SGCG: variants seen among roughly 807,000 people sequenced by gnomAD.
SGCG encodes the protein gamma-sarcoglycan.
SGCG carries 26 observed loss-of-function variants against 29.3 expected under a neutral mutation model. The observed-to-expected ratio is 0.89, with a 90% CI of 0.65 to 1.23. SGCG has a LOEUF of 1.23. Among genes scored for constraint, SGCG ranks in the 50% most tolerant of loss-of-function variants. The probability of loss-of-function intolerance (pLI) is 0.00; values close to 1 mark genes in which losing one functional copy is unlikely to be tolerated. For synonymous variants in SGCG, 145 were observed against 129.7 expected (o/e 1.12, Z -0.80); for missense variants, 353 against 356.0 (o/e 0.99, Z 0.07).
At position 23,294,720 on chromosome 13, in the gene SGCG, C is replaced by T. The variant is rs141508429; in HGVS notation, c.506-695C>T. Among the ~76,000 whole-genome samples, 621 of 152,318 alleles carry T rather than the reference C, an allele frequency of 4.1e-3. 1 individual carries two copies. Among genetic ancestry groups the T allele is most frequent in the Non-Finnish European group, 6.7e-3 (453 of 68,020 alleles). ...TTCAAATTACAGCCTTGCCACTTCT[C>T]GGCTGTGGAACTCTAGGCACGTTAA... On this transcript the variant is annotated intron_variant, in intron 5 of 7. Coordinates refer to ENST00000218867, the MANE Select transcript of SGCG (RefSeq NM_000231.3).
chr13:23,215,593 A>G (rs115657183), intron 2 of SGCG, among the ~76,000 whole-genome samples: 4,353 of 152,242 alleles, frequency 0.029, 71 homozygotes, highest in Non-Finnish European at 0.039. Flanking sequence ...CCTGGCACAA[A>G]ATTATGAAAT....
chr13:23,200,558 CAA>C (rs1259482571), intron 1 of SGCG, among the ~76,000 whole-genome samples: 1 of 152,002 alleles, frequency 6.6e-6, no homozygotes, highest in Non-Finnish European at 1.5e-5. Context: ...AACAAAATAA[CAA>C]AATAGTTGAA....
At chr13:23,213,251 G>A (rs1593176185) in intron 2 of SGCG, among the ~76,000 whole-genome samples, 1 of 152,160 alleles carries the variant, frequency 6.6e-6, no homozygotes, top group African/African-American at 2.4e-5. Context: ...AAGGCAGGCA[G>A]ATCACTTGAG....
chr13:23,260,228 C>T (rs997734351), intron 4 of SGCG, among the ~76,000 whole-genome samples: 1 of 152,134 alleles, frequency 6.6e-6, no homozygotes, highest in African/African-American at 2.4e-5. Context: ...CTGGGTGCTC[C>T]TGTATTGGGT....
intron 6 of SGCG, among the ~76,000 whole-genome samples, chr13:23,302,289 C>T (rs973901306): frequency 1.3e-5 from 2 of 151,324 alleles, no homozygotes; most frequent in African/African-American, 4.8e-5. Flanking sequence ...ATAATTACTT[C>T]TAGTGACTAT....
chr13:23,166,387 G>A, the SGCG span, among the ~76,000 whole-genome samples: 3 of 152,206 alleles, frequency 2.0e-5, no homozygotes, highest in South Asian at 2.1e-4. Context: ...GTAGAGATGA[G>A]GTTTCACCAT....
intron 1 of SGCG, among the ~76,000 whole-genome samples, chr13:23,203,167 G>A (rs61948482): frequency 0.061 from 9,257 of 152,132 alleles, 388 homozygotes; most frequent in Middle Eastern, 0.15. Context: ...CACCATGTTA[G>A]CCAGGATGGT....
At chr13:23,252,713 CA>C (rs1393741070) in intron 4 of SGCG, among the ~76,000 whole-genome samples, 8 of 151,902 alleles carry the variant, frequency 5.3e-5, no homozygotes, top group South Asian at 2.1e-4. Context: ...ACAAAACAAA[CA>C]AACAAAAAAG....
At chr13:23,281,164 A>G (rs1881290967) in intron 5 of SGCG, among the ~76,000 whole-genome samples, 1 of 151,816 alleles carries the variant, frequency 6.6e-6, no homozygotes, top group Admixed American at 6.6e-5. Context: ...GCGAAACCCC[A>G]TCTCTACAAA....
chr13:23,246,602 C>T, intron 3 of SGCG: 1 of 194,072 alleles, frequency 5.2e-6, no homozygotes, highest in Non-Finnish European at 1.1e-5. Context: ...TCATTTTGCC[C>T]ATTATTATAA....
At chr13:23,207,819 G>A (rs970779993) in intron 2 of SGCG, among the ~76,000 whole-genome samples, 1 of 152,096 alleles carries the variant, frequency 6.6e-6, no homozygotes, top group Non-Finnish European at 1.5e-5. Context: ...CGAGGGTGTG[G>A]TGAAATTGGA....
At chr13:23,273,768 G>A (rs1249541343) in intron 4 of SGCG, among the ~76,000 whole-genome samples, 1 of 152,164 alleles carries the variant, frequency 6.6e-6, no homozygotes, top group Non-Finnish European at 1.5e-5. Flanking sequence ...GAAAGTCATT[G>A]ATGTTTGTTT....
At chr13:23,258,946 T>G (rs1880311851) in intron 4 of SGCG, among the ~76,000 whole-genome samples, 1 of 152,228 alleles carries the variant, frequency 6.6e-6, no homozygotes, top group Non-Finnish European at 1.5e-5. Context: ...GGATTTGGTT[T>G]GCCAGTATTT....
chr13:23,188,396 G>A (rs1877084394), intron 1 of SGCG, among the ~76,000 whole-genome samples: 1 of 136,666 alleles, frequency 7.3e-6, no homozygotes, highest in African/African-American at 2.7e-5. Context: ...AGCGATCTCG[G>A]CTCACTGCAA....
chr13:23,312,485 A>G (rs879772619), intron 6 of SGCG, among the ~76,000 whole-genome samples: 3 of 152,250 alleles, frequency 2.0e-5, no homozygotes, highest in Admixed American at 6.5e-5. Flanking sequence ...TGACATTTTA[A>G]TAACTGTACT....
intron 3 of SGCG, chr13:23,244,182 C>T (rs1879611716): frequency 6.6e-6 from 1 of 152,136 alleles, no homozygotes; most frequent in Non-Finnish European, 1.5e-5. Context: ...TAAAACAACA[C>T]CACCGTATCA....
At chr13:23,276,049 A>T (rs2137611465) in intron 4 of SGCG, among the ~76,000 whole-genome samples, 1 of 152,292 alleles carries the variant, frequency 6.6e-6, no homozygotes, top group African/African-American at 2.4e-5. Context: ...TTTGTACCAA[A>T]GCCTTTCATT....
chr13:23,236,237 A>G (rs1466076454), intron 3 of SGCG, among the ~76,000 whole-genome samples: 2 of 152,182 alleles, frequency 1.3e-5, no homozygotes, highest in Non-Finnish European at 2.9e-5. Flanking sequence ...GAAGCATTCA[A>G]GTGTTAGAAC....
intron 2 of SGCG, among the ~76,000 whole-genome samples, chr13:23,232,831 G>A (rs1048501654): frequency 4.6e-5 from 7 of 152,104 alleles, no homozygotes; most frequent in Admixed American, 1.3e-4. Flanking sequence ...CAGATATATG[G>A]GTATGAAGCT....
Sources: gnomAD v4.1 joint callset for allele counts (sites outside exome capture counted in the v4.1 genomes callset) on GRCh38, gnomAD v4.1.1 for gene constraint, MANE v1.5 for transcripts, NCBI Gene and HGNC (gene_info 2026-07-23, HGNC 2026-07-21) for gene names.